Variants in NCOA1 observed in about 807,000 individuals in gnomAD.
NCOA1 encodes Hin-2 protein.
NCOA1 carries 35 observed loss-of-function variants against 150.9 expected under a neutral mutation model. The ratio of observed to expected loss-of-function variants is 0.23; its 90% confidence interval spans 0.18 to 0.31. The LOEUF is 0.31. Ranked by LOEUF, NCOA1 falls within the 10% of genes least tolerant of loss-of-function variation. The pLI, the probability that NCOA1 is intolerant of heterozygous loss-of-function variation, is 1.00. For synonymous variants in NCOA1, 590 were observed against 630.0 expected (o/e 0.94, Z 0.95); for missense variants, 1,491 against 1,749.3 (o/e 0.85, Z 2.63).
intron 3 of NCOA1, among the ~76,000 whole-genome samples, chr2:24,598,613 G>A (rs1011887977): frequency 1.3e-5 from 2 of 152,078 alleles, no homozygotes; most frequent in Non-Finnish European, 2.9e-5. Context: ...GCTTGGGGAA[G>A]GAAGGACAGG....
At chr2:24,729,970 C>T (rs539651667) in intron 17 of NCOA1, among the ~76,000 whole-genome samples, 155 bp downstream of exon 17, 62 of 152,226 alleles carry the variant, frequency 4.1e-4, no homozygotes, top group Admixed American at 9.2e-4. Flanking sequence ...CTCAGACTCC[C>T]GAGTAGCTGG....
At chr2:24,735,171 G>A (rs540829887) in intron 17 of NCOA1, among the ~76,000 whole-genome samples, 7 of 152,132 alleles carry the variant, frequency 4.6e-5, no homozygotes, top group East Asian at 3.9e-4. Flanking sequence ...TAAAATTTAC[G>A]ACCTAGAAGA....
chr2:24,704,564 G>T lies in NCOA1; in HGVS notation c.950-522G>T, dbSNP rs1354310321. On this transcript the variant is annotated intron_variant, in intron 11 of 22. Coordinates refer to ENST00000348332, the MANE Select transcript of NCOA1 (RefSeq NM_003743.5). ...TGCCAAGGTGAATGGATCATTTGAG[G>T]TCAGGAGTTCAAGACCAGCCTGACC... Among the ~76,000 whole-genome samples, 3 of 152,140 alleles carry T rather than the reference G, an allele frequency of 2.0e-5. No homozygotes were observed. In the East Asian group the frequency reaches 5.9e-4, roughly 30 times the overall value.
intron 1 of NCOA1, among the ~76,000 whole-genome samples, chr2:24,493,059 G>T (rs1663050183): frequency 1.3e-5 from 2 of 152,098 alleles, no homozygotes; most frequent in African/African-American, 4.8e-5. Flanking sequence ...ATTTCTTCAT[G>T]TTGAGAATAA....
Position 24,762,788 on chromosome 2 carries a change from A to G in NCOA1, c.4155+12A>G. On this transcript the variant is annotated intron_variant, in intron 22 of 22. Coordinates refer to ENST00000348332, the MANE Select transcript of NCOA1 (RefSeq NM_003743.5). ...CAGATGGAACCCAGGTCAGTAAGGA[A>G]ATTCTAAGCCCAGAGCTGTCAAATG... The G allele has an allele frequency of 1.2e-6, 2 of 1,607,298 alleles. No individual in the cohort carries two copies. Among genetic ancestry groups the G allele is most frequent in the Admixed American group, 3.3e-5 (2 of 59,986 alleles).
intron 3 of NCOA1, among the ~76,000 whole-genome samples, chr2:24,614,927 A>G (rs1019389100): frequency 1.3e-5 from 2 of 152,206 alleles, no homozygotes; most frequent in Non-Finnish European, 2.9e-5. Flanking sequence ...CTTGTCATTT[A>G]TTATTCACAA....
intron 3 of NCOA1, among the ~76,000 whole-genome samples, chr2:24,592,447 C>G (rs1229449564): frequency 6.6e-6 from 1 of 152,126 alleles, no homozygotes; most frequent in East Asian, 1.9e-4. Context: ...AGATCAAGCA[C>G]CTTGACGGCT....
rs549315555 is a variant in NCOA1, at chr2:24,690,421, G to A, written c.533-1060G>A. 1.4e-4 allele frequency among the ~76,000 whole-genome samples: 21 copies of A among 152,048 alleles called. No homozygotes were observed. The South Asian group carries it at 2.5e-3, about 18-fold the overall frequency. On this transcript the variant is annotated intron_variant, in intron 8 of 22. Coordinates refer to ENST00000348332, the MANE Select transcript of NCOA1 (RefSeq NM_003743.5). ...TGTAATCTCAGCATTTTGGGAGGCCGAGATGGGTGGATCATGAGGTCAGGA... is the reference window on the plus strand; with the variant it reads ...TGTAATCTCAGCATTTTGGGAGGCCAAGATGGGTGGATCATGAGGTCAGGA...
At chr2:24,525,886 T>C (rs1664633444) in intron 1 of NCOA1, among the ~76,000 whole-genome samples, 1 of 152,112 alleles carries the variant, frequency 6.6e-6, no homozygotes. Context: ...TTAGGTCTGC[T>C]TCCTTATGTT....
intron 7 of NCOA1, among the ~76,000 whole-genome samples, chr2:24,682,526 C>T (rs1411072999): frequency 1.3e-5 from 2 of 152,186 alleles, no homozygotes; most frequent in Non-Finnish European, 1.5e-5. Flanking sequence ...GATTTGGCTC[C>T]TGTCCACGTC....
intron 1 of NCOA1, among the ~76,000 whole-genome samples, chr2:24,552,505 A>G (rs1665899714): frequency 6.6e-6 from 1 of 150,870 alleles, no homozygotes; most frequent in South Asian, 2.1e-4. Context: ...AGCTGGGACT[A>G]CAGGCATGTG....
At chr2:24,736,698 C>T (rs55906401) in intron 17 of NCOA1, among the ~76,000 whole-genome samples, 10,990 of 152,148 alleles carry the variant, frequency 0.072, 528 homozygotes, top group East Asian at 0.12. Context: ...GGCATTTTAA[C>T]ATTTGGGGCT....
Position 24,769,999 on chromosome 2 carries a change from TTCC to T in NCOA1, c.*1610_*1612del, listed in dbSNP as rs545965525. 2.2e-4 allele frequency: 51 copies of T among 227,638 alleles called. No individual in the cohort carries two copies. The South Asian group carries it at 8.6e-3, about 38-fold the overall frequency. 14.1% of individuals were successfully genotyped at this position (227,638 alleles called of 1,614,324 possible). A position where few individuals can be genotyped will look rare whatever the true frequency, so the allele number is the denominator to read the frequency against. ...AGGAAGAAGCCATTTCCCCAGGTCCTTCCTTCTGCATCTCACCACCCCTAGTTA... is the reference window on the plus strand; with the variant it reads ...AGGAAGAAGCCATTTCCCCAGGTCCTTTCTGCATCTCACCACCCCTAGTTA... On this transcript the variant is annotated 3_prime_UTR_variant, in exon 23 of 23. Coordinates refer to ENST00000348332, the MANE Select transcript of NCOA1 (RefSeq NM_003743.5).
At chr2:24,592,624 A>C (rs1667707127) in intron 3 of NCOA1, among the ~76,000 whole-genome samples, 1 of 136,868 alleles carries the variant, frequency 7.3e-6, no homozygotes, top group Non-Finnish European at 1.5e-5. Flanking sequence ...TGAACCAGTA[A>C]CCATGGTTTC....
At chr2:24,632,156 T>G (rs755713006) in intron 3 of NCOA1, among the ~76,000 whole-genome samples, 4 of 152,018 alleles carry the variant, frequency 2.6e-5, no homozygotes, top group East Asian at 1.9e-4. Flanking sequence ...CCAGGGAGAC[T>G]AGGAGAATGG....
chr2:24,728,132 C>G (rs150337110), intron 15 of NCOA1, among the ~76,000 whole-genome samples, 176 bp from the exon 16 acceptor site: 1 of 152,280 alleles, frequency 6.6e-6, no homozygotes, highest in East Asian at 1.9e-4. Flanking sequence ...AAGCTACATA[C>G]CAAATACTCA....
intron 17 of NCOA1, among the ~76,000 whole-genome samples, chr2:24,736,661 G>A (rs768430778): frequency 2.0e-5 from 3 of 152,222 alleles, no homozygotes; most frequent in East Asian, 1.9e-4. Flanking sequence ...AATTTGTGCA[G>A]TAGCTAGCTC....
intron 8 of NCOA1, among the ~76,000 whole-genome samples, chr2:24,684,389 C>T (rs774114760): frequency 4.6e-4 from 70 of 152,150 alleles, no homozygotes; most frequent in Non-Finnish European, 8.4e-4. Flanking sequence ...TCCTGAAGAA[C>T]GGGCTTATTG....
At chr2:24,680,730 C>T (rs1672125650) in intron 7 of NCOA1, among the ~76,000 whole-genome samples, 1 of 151,914 alleles carries the variant, frequency 6.6e-6, no homozygotes, top group South Asian at 2.1e-4. Flanking sequence ...TAAGTGTTTT[C>T]ACCACAAAAA....
Sources: allele counts gnomAD v4.1 joint callset (sites outside exome capture counted in the v4.1 genomes callset), GRCh38; gene constraint gnomAD v4.1.1; transcripts MANE v1.5; gene names NCBI Gene and HGNC (gene_info 2026-07-23, HGNC 2026-07-21).